TLN2: variants seen among roughly 807,000 people sequenced by gnomAD.
TLN2 encodes the protein talin 2.
Under a neutral mutation model 294.7 loss-of-function variants are expected in TLN2, and 118 were observed. That is an observed-to-expected ratio of 0.40 (90% CI 0.34 to 0.47). The LOEUF is 0.47. Among genes scored for constraint, TLN2 ranks in the 20% least tolerant of loss-of-function variants. TLN2 has a pLI of 0.84. For missense variants in TLN2, 3,083 were observed against 3,282.2 expected (o/e 0.94, Z 1.48); for synonymous variants, 1,431 against 1,304.5 (o/e 1.10, Z -2.09).
chr15:62,471,561 C>A (rs1595883409), intron 1 of TLN2, among the ~76,000 whole-genome samples: 1 of 152,282 alleles, frequency 6.6e-6, no homozygotes, highest in South Asian at 2.1e-4. Context: ...CTCCACTGGC[C>A]CCTTCATACT....
At position 62,727,102 on chromosome 15, in the gene TLN2, C is replaced by T. The variant is rs1375904981; in HGVS notation, c.3271C>T (p.Gln1091Ter). Residue 1091 changes from glutamine (Q) to a stop codon, truncating the protein, a stop_gained, in exon 28 of 59, where the codon CAG becomes TAG. Transcript: ENST00000636159. LOFTEE classifies it high-confidence loss of function. ...ATTCTTGTAGCTGGAAAAATGTGCT[C>T]AGGACCTGGGAAGCACATCCAAGGC... is the stretch of plus-strand genomic sequence containing the variant. The part of the protein sequence containing the change: ...LPGETLEKCA[Q>*]DLGSTSKAVG... 1.2e-6 allele frequency: 2 copies of T among 1,614,146 alleles called. No homozygotes were observed. Among genetic ancestry groups the T allele is most frequent in the African/African-American group, 1.3e-5 (1 of 75,032 alleles).
chr15:62,412,978 T>C (rs979837577), intron 1 of TLN2, among the ~76,000 whole-genome samples: 4 of 152,000 alleles, frequency 2.6e-5, no homozygotes, highest in African/African-American at 7.3e-5. Context: ...GAAGCTGAAC[T>C]AGAGAAGTGG....
At chr15:62,482,745 G>A (rs1393418971) in intron 1 of TLN2, among the ~76,000 whole-genome samples, 1 of 151,976 alleles carries the variant, frequency 6.6e-6, no homozygotes, top group East Asian at 1.9e-4. Context: ...AAAAAATGGG[G>A]TTTCAGATCT....
chr15:62,641,384 A>G (rs961735981), intron 3 of TLN2, among the ~76,000 whole-genome samples: 2 of 152,118 alleles, frequency 1.3e-5, no homozygotes, highest in Non-Finnish European at 2.9e-5. Context: ...TGGGAGGCCA[A>G]GGCAGGTGGA....
At position 62,825,986 on chromosome 15, in the gene TLN2, A is replaced by G. The variant is rs768393331; in HGVS notation, c.7002+5376A>G. On this transcript the variant is annotated intron_variant, in intron 54 of 58. Transcript: ENST00000636159. ...GGTTGCCGTGAGCCGGGATCGTGCC[A>G]CTGCACTCCAGCCTGGGTGACAGAG... is the stretch of plus-strand genomic sequence containing the variant. Among the ~76,000 whole-genome samples the G allele has an allele frequency of 6.8e-5, 10 of 146,392 alleles. 1 individual carries two copies. The highest frequency in any genetic ancestry group is 1.2e-4 in the Non-Finnish European group (8 of 67,454).
chr15:62,539,535 G>A (rs539815829), intron 1 of TLN2, among the ~76,000 whole-genome samples: 60 of 152,302 alleles, frequency 3.9e-4, no homozygotes, highest in African/African-American at 1.3e-3. Flanking sequence ...TGTGATTAAA[G>A]TCAGCATCAC....
chr15:62,738,370 A>C (rs2061142001), intron 30 of TLN2, 37 bp downstream of exon 30: 2 of 1,610,742 alleles, frequency 1.2e-6, no homozygotes, highest in East Asian at 4.5e-5. Context: ...ACACTGGGGG[A>C]CTAGGCTCGC....
At chr15:62,495,508 C>T (rs1230041341) in intron 1 of TLN2, among the ~76,000 whole-genome samples, 1 of 152,194 alleles carries the variant, frequency 6.6e-6, no homozygotes, top group Admixed American at 6.5e-5. Context: ...TTGTCCTGCC[C>T]TCTGTCAGCT....
intron 1 of TLN2, among the ~76,000 whole-genome samples, chr15:62,411,444 TG>T (rs1358129337): frequency 1.3e-5 from 2 of 148,352 alleles, no homozygotes; most frequent in East Asian, 3.9e-4. Context: ...TGTGTGTGTG[TG>T]TGTGTGTGTG....
chr15:62,426,637 C>T (rs2034728711), intron 1 of TLN2, among the ~76,000 whole-genome samples: 1 of 152,232 alleles, frequency 6.6e-6, no homozygotes, highest in South Asian at 2.1e-4. Flanking sequence ...TCACTGGGGG[C>T]CCCGGGTGTG....
intron 1 of TLN2, among the ~76,000 whole-genome samples, chr15:62,588,788 A>G (rs2045863888): frequency 6.8e-6 from 1 of 147,802 alleles, no homozygotes; most frequent in African/African-American, 2.5e-5. Context: ...GCTAGTAACA[A>G]TTTTTTTAAT....
chr15:62,817,375 A>G (rs16945790), intron 52 of TLN2, among the ~76,000 whole-genome samples: 18,392 of 152,256 alleles, frequency 0.12, 1,201 homozygotes, highest in South Asian at 0.19. Context: ...TGATATATAT[A>G]TAGGCCCTAG....
intron 1 of TLN2, among the ~76,000 whole-genome samples, chr15:62,502,688 G>A (rs777677532): frequency 5.9e-5 from 9 of 152,166 alleles, no homozygotes; most frequent in African/African-American, 9.7e-5. Flanking sequence ...GAGAGGAGAC[G>A]GGGCGTCATC....
chr15:62,807,323 A>G (rs1241572086), intron 51 of TLN2, among the ~76,000 whole-genome samples: 1 of 152,214 alleles, frequency 6.6e-6, no homozygotes, highest in Non-Finnish European at 1.5e-5. Flanking sequence ...ATTTGATCCC[A>G]TATGAGAAAG....
At chr15:62,753,325 C>T (rs1404097771) in intron 35 of TLN2, among the ~76,000 whole-genome samples, 1 of 152,154 alleles carries the variant, frequency 6.6e-6, no homozygotes, top group Non-Finnish European at 1.5e-5. Flanking sequence ...AACCCTAGGA[C>T]AGGGCAGGCT....
Position 62,697,692 on chromosome 15 carries a change from A to G in TLN2, c.1297A>G (p.Thr433Ala). The G allele has an allele frequency of 2.5e-6, 4 of 1,596,160 alleles. No homozygotes were observed. Among genetic ancestry groups the G allele is most frequent in the Non-Finnish European group, 2.6e-6 (3 of 1,167,038 alleles). ...LEESVSPKKS[T>A]ILQQQFNRTG... ...CCAAACCACTTTTCCCGGCAGGTCC[A>G]CCATCTTGCAGCAGCAGTTCAACCG... Residue 433 changes from threonine (T) to alanine (A), a missense_variant, in exon 15 of 59, where the codon ACC becomes GCC. Transcript: ENST00000636159.
At chr15:62,697,973 T>G in intron 15 of TLN2, 105 bp downstream of exon 15, 2 of 1,389,074 alleles carry the variant, frequency 1.4e-6, no homozygotes, top group Non-Finnish European at 1.9e-6. Flanking sequence ...GCTCTCTATT[T>G]CCCGGCTGAA....
chr15:62,548,618 C>G (rs1279639031), intron 1 of TLN2, among the ~76,000 whole-genome samples: 1 of 152,188 alleles, frequency 6.6e-6, no homozygotes, highest in Non-Finnish European at 1.5e-5. Context: ...TTCCGCCTAA[C>G]TAACATGGCA....
chr15:62,587,676 T>C (rs775030388), intron 1 of TLN2, among the ~76,000 whole-genome samples: 2 of 152,184 alleles, frequency 1.3e-5, no homozygotes, highest in Non-Finnish European at 2.9e-5. Flanking sequence ...TCCATAATTA[T>C]CTACCTTGAG....
Sources: allele counts gnomAD v4.1 joint callset (sites outside exome capture counted in the v4.1 genomes callset), GRCh38; gene constraint gnomAD v4.1.1; transcripts MANE v1.5; gene names NCBI Gene and HGNC (gene_info 2026-07-23, HGNC 2026-07-21).